ATP8A2: variants seen among roughly 807,000 people sequenced by gnomAD.
ATP8A2 encodes the protein phospholipid-transporting ATPase IB.
A neutral mutation model predicts 165.6 loss-of-function variants in ATP8A2; 100 were observed. The observed-to-expected ratio is 0.60, with a 90% CI of 0.51 to 0.71. The LOEUF (loss-of-function observed/expected upper bound fraction) is 0.71. Ranked by LOEUF, ATP8A2 falls within the 30% of genes least tolerant of loss-of-function variation. ATP8A2 has a pLI of 0.00. For missense variants in ATP8A2, 1,227 were observed against 1,479.5 expected (o/e 0.83, Z 2.80); for synonymous variants, 543 against 548.8 (o/e 0.99, Z 0.15).
chr13:25,624,193 C>T (rs1346599062), intron 24 of ATP8A2, among the ~76,000 whole-genome samples: 3 of 152,110 alleles, frequency 2.0e-5, no homozygotes, highest in Non-Finnish European at 4.4e-5. Flanking sequence ...TGACATAACC[C>T]TCAGGACAAG....
At chr13:25,720,363 C>T (rs1382390266) in intron 25 of ATP8A2, among the ~76,000 whole-genome samples, 2 of 151,784 alleles carry the variant, frequency 1.3e-5, no homozygotes, top group South Asian at 2.1e-4. Context: ...GGGGTTTCAC[C>T]GTGTTCACCA....
chr13:25,957,787 A>G (rs1292841401), intron 33 of ATP8A2, among the ~76,000 whole-genome samples: 1 of 152,178 alleles, frequency 6.6e-6, no homozygotes, highest in East Asian at 1.9e-4. Context: ...AGGATTATAA[A>G]TCATTCTACT....
At chr13:25,633,611 T>C (rs1368202637) in intron 24 of ATP8A2, among the ~76,000 whole-genome samples, 2 of 152,220 alleles carry the variant, frequency 1.3e-5, no homozygotes, top group East Asian at 3.8e-4. Flanking sequence ...TCATTTTGTC[T>C]TTGGCTAAGT....
chr13:25,693,080 GGC>G (rs2042760193), intron 24 of ATP8A2, among the ~76,000 whole-genome samples: 1 of 152,064 alleles, frequency 6.6e-6, no homozygotes, highest in East Asian at 1.9e-4. Context: ...TTCAGTAATT[GGC>G]TTTTTATTAA....
intron 1 of ATP8A2, among the ~76,000 whole-genome samples, chr13:25,451,236 A>G (rs2035216046): frequency 6.6e-6 from 1 of 152,044 alleles, no homozygotes; most frequent in Admixed American, 6.5e-5. Context: ...TTAATCCCAC[A>G]TAGTGTCGTT....
intron 25 of ATP8A2, among the ~76,000 whole-genome samples, chr13:25,758,453 T>C (rs1460911768): frequency 6.6e-6 from 1 of 152,236 alleles, no homozygotes; most frequent in Non-Finnish European, 1.5e-5. Context: ...ACATTTCAGA[T>C]CAGACTTTGT....
chr13:25,824,597 C>G (rs1951267201), intron 27 of ATP8A2, among the ~76,000 whole-genome samples: 1 of 152,188 alleles, frequency 6.6e-6, no homozygotes, highest in Non-Finnish European at 1.5e-5. Context: ...TCTCCTATCA[C>G]TTTGCAATCA....
At chr13:25,489,732 AT>A (rs1282888994) in intron 2 of ATP8A2, among the ~76,000 whole-genome samples, 1 of 152,258 alleles carries the variant, frequency 6.6e-6, no homozygotes, top group Non-Finnish European at 1.5e-5. Flanking sequence ...TTAATTGCTT[AT>A]TGAACAAAGT....
At chr13:25,882,322 T>A (rs575691317) in intron 33 of ATP8A2, among the ~76,000 whole-genome samples, 4 of 152,322 alleles carry the variant, frequency 2.6e-5, no homozygotes, top group African/African-American at 9.6e-5. Flanking sequence ...TTGAAAAGAT[T>A]AAGCTTACTT....
chr13:25,914,444 A>G (rs1469681252), intron 33 of ATP8A2, among the ~76,000 whole-genome samples: 2 of 152,212 alleles, frequency 1.3e-5, no homozygotes, highest in African/African-American at 2.4e-5. Context: ...TCTATTTTCT[A>G]CAACCTGTGT....
intron 27 of ATP8A2, among the ~76,000 whole-genome samples, chr13:25,791,732 T>G (rs2045184683): frequency 6.6e-6 from 1 of 152,192 alleles, no homozygotes; most frequent in Non-Finnish European, 1.5e-5. Context: ...ATTTGCCTTC[T>G]GTGGAGCTCT....
chr13:25,887,592 TC>T (rs1953199286), intron 33 of ATP8A2, among the ~76,000 whole-genome samples: 1 of 152,190 alleles, frequency 6.6e-6, no homozygotes. Context: ...CGCCTCGGCC[TC>T]CCAAAGTGTT....
At chr13:25,755,439 G>A (rs2044240512) in intron 25 of ATP8A2, among the ~76,000 whole-genome samples, 1 of 152,122 alleles carries the variant, frequency 6.6e-6, no homozygotes, top group Non-Finnish European at 1.5e-5. Context: ...ATTCACATAG[G>A]CAAAATTGGC....
At chr13:25,829,951 A>G (rs1951421398) in intron 28 of ATP8A2, among the ~76,000 whole-genome samples, 1 of 151,224 alleles carries the variant, frequency 6.6e-6, no homozygotes, top group African/African-American at 2.4e-5. Context: ...AAAAATGCAG[A>G]TTCCTGAGCC....
intron 26 of ATP8A2, among the ~76,000 whole-genome samples, chr13:25,774,414 G>A (rs2044694372): frequency 6.6e-6 from 1 of 152,096 alleles, no homozygotes; most frequent in Non-Finnish European, 1.5e-5. Context: ...TGTTGGGGAG[G>A]CAGGGGGAGG....
At chr13:25,407,848 A>G (rs2033849808) in intron 1 of ATP8A2, among the ~76,000 whole-genome samples, 1 of 152,158 alleles carries the variant, frequency 6.6e-6, no homozygotes, top group Admixed American at 6.5e-5. Context: ...ATCAGCAAAC[A>G]TGCCTTGGAT....
At chr13:25,513,451 A>C (rs539076690) in intron 2 of ATP8A2, among the ~76,000 whole-genome samples, 2,702 of 148,060 alleles carry the variant, frequency 0.018, 38 homozygotes, top group Non-Finnish European at 0.031. Flanking sequence ...GCGGCCGGGA[A>C]GAGGCGCTCC....
At chr13:25,560,804 C>A (rs962032761) in intron 15 of ATP8A2, among the ~76,000 whole-genome samples, 9 of 151,810 alleles carry the variant, frequency 5.9e-5, no homozygotes, top group African/African-American at 2.2e-4. Flanking sequence ...TGCTCCACCC[C>A]CTTTGGAAGC....
At chr13:25,978,680 G>T (rs539968394) in intron 35 of ATP8A2, among the ~76,000 whole-genome samples, 97 of 152,236 alleles carry the variant, frequency 6.4e-4, no homozygotes, top group African/African-American at 2.3e-3. Context: ...GGTGGCTCAC[G>T]CCTGTAATCC....
Sources: gnomAD v4.1 joint callset for allele counts (sites outside exome capture counted in the v4.1 genomes callset) on GRCh38, gnomAD v4.1.1 for gene constraint, MANE v1.5 for transcripts, NCBI Gene and HGNC (gene_info 2026-07-23, HGNC 2026-07-21) for gene names.